The following FAM13B variants were observed in gnomAD, a reference collection of about 807,000 sequenced individuals.
FAM13B encodes protein FAM13B.
Under a neutral mutation model 117.3 loss-of-function variants are expected in FAM13B, and 60 were observed. The observed-to-expected ratio is 0.51, with a 90% CI of 0.42 to 0.63. FAM13B has a LOEUF of 0.63. Ranked by LOEUF, FAM13B falls within the 30% of genes least tolerant of loss-of-function variation. The pLI, the probability that FAM13B is intolerant of heterozygous loss-of-function variation, is 0.00. For synonymous variants in FAM13B, 332 were observed against 356.1 expected, an observed-to-expected ratio of 0.93 and a Z score of 0.76; for missense variants, 972 against 1,091.9, an observed-to-expected ratio of 0.89 and a Z score of 1.55.
At chr5:137,990,941 A>G (rs1778462905) in intron 7 of FAM13B, among the ~76,000 whole-genome samples, 1 of 152,226 alleles carries the variant, frequency 6.6e-6, no homozygotes, top group African/African-American at 2.4e-5. Context: ...CTATTTAGTA[A>G]TGCATTTCAA....
rs1428924365 is a variant in FAM13B, at chr5:137,966,476, TATATATATATATAGAGAG to T, written c.1180-4025_1180-4008del. On this transcript the variant is annotated intron_variant, in intron 10 of 23. Coordinates refer to ENST00000689681, the MANE Select transcript of FAM13B (RefSeq NM_001385994.1). ...AATAGATTTTATATATATATATATATATATATATATATAGAGAGAGAGAGAGAGAGAGAGAGAGAGAGA... is the reference window on the plus strand; with the variant it reads ...AATAGATTTTATATATATATATATATAGAGAGAGAGAGAGAGAGAGAGAGA... Among the ~76,000 whole-genome samples the T allele has an allele frequency of 2.5e-3, 164 of 66,902 alleles. 1 individual carries two copies. Among genetic ancestry groups the T allele is most frequent in the African/African-American group, 8.7e-3 (158 of 18,126 alleles). The allele number at this position is 66,902 out of a possible 152,430, so 43.9% of individuals were successfully genotyped here. A position where few individuals can be genotyped will look rare whatever the true frequency, so the allele number is the denominator to read the frequency against.
intron 11 of FAM13B, among the ~76,000 whole-genome samples, 163 bp from the exon 12 acceptor site, chr5:137,960,377 T>C (rs1767823006): frequency 6.6e-6 from 1 of 152,058 alleles, no homozygotes; most frequent in Non-Finnish European, 1.5e-5. Flanking sequence ...GCCCTATATC[T>C]GAAAAATCAC....
intron 10 of FAM13B, among the ~76,000 whole-genome samples, chr5:137,981,697 A>G (rs183579954): frequency 2.6e-5 from 4 of 152,010 alleles, no homozygotes; most frequent in South Asian, 2.1e-4. Context: ...GAGGCAGGAG[A>G]ATGGCTTGAA....
At chr5:138,003,022 T>G (rs982319192) in intron 7 of FAM13B, among the ~76,000 whole-genome samples, 1 of 152,126 alleles carries the variant, frequency 6.6e-6, no homozygotes, top group African/African-American at 2.4e-5. Flanking sequence ...ATTTTTCATT[T>G]GCTTATCTCT....
chr5:138,034,995 C>CTTTTTTTT (rs557807234), upstream of FAM13B, among the ~76,000 whole-genome samples: 149 of 34,378 alleles, frequency 4.3e-3, 53 homozygotes, highest in South Asian at 7.9e-3. Context: ...ATTCCCTTGC[C>CTTTTTTTT]TTTTTTTTTT....
At chr5:138,025,313 ATTT>A (rs869194123) in intron 1 of FAM13B, among the ~76,000 whole-genome samples, 3 of 111,198 alleles carry the variant, frequency 2.7e-5, no homozygotes, top group African/African-American at 6.7e-5. Flanking sequence ...ATATATATGT[ATTT>A]TTTTTTTTTT....
intron 9 of FAM13B, among the ~76,000 whole-genome samples, chr5:137,986,431 C>CCA (rs1021706862): frequency 1.8e-5 from 1 of 54,230 alleles, no homozygotes; most frequent in African/African-American, 4.6e-5. Context: ...CATCTTCCCC[C>CCA]CCCCAAAAAA....
chr5:137,950,775 C>T (rs532191132), intron 17 of FAM13B, among the ~76,000 whole-genome samples: 1 of 152,196 alleles, frequency 6.6e-6, no homozygotes, highest in African/African-American at 2.4e-5. Context: ...GAGGCCAATG[C>T]TAGACAATTT....
At chr5:137,948,874 C>T in intron 18 of FAM13B, 81 bp downstream of exon 18, 2 of 1,042,078 alleles carry the variant, frequency 1.9e-6, no homozygotes, top group East Asian at 4.7e-5. Context: ...ACTACCTAGA[C>T]ATCTCTACCC....
At chr5:137,976,408 C>T (rs974066113) in intron 10 of FAM13B, among the ~76,000 whole-genome samples, 1 of 152,104 alleles carries the variant, frequency 6.6e-6, no homozygotes. Context: ...TCACTAAATG[C>T]AATAAATTTT....
intron 7 of FAM13B, among the ~76,000 whole-genome samples, chr5:137,996,054 A>G (rs1779777473): frequency 6.6e-6 from 1 of 152,166 alleles, no homozygotes; most frequent in Non-Finnish European, 1.5e-5. Context: ...AAAAGATACT[A>G]CTACAGTCCG....
In FAM13B at chr5:138,010,957, TAAAAAAAA is replaced by T. The variant is rs35163730; in HGVS notation, c.690+43_690+50del. ...CAAGTCTTTAAGAGCATATTATTCTTAAAAAAAAAAAAAAAAAAAAAAATTATCCCTCC... is the reference window on the plus strand; with the variant it reads ...CAAGTCTTTAAGAGCATATTATTCTTAAAAAAAAAAAAAAATTATCCCTCC... On this transcript the variant is annotated intron_variant, in intron 6 of 23. Coordinates refer to ENST00000689681, the MANE Select transcript of FAM13B (RefSeq NM_001385994.1). 1.6e-5 allele frequency: 17 copies of T among 1,079,180 alleles called. No individual in the cohort carries two copies. In the South Asian group the frequency reaches 2.5e-4, roughly 16 times the overall value. 66.9% of individuals were successfully genotyped at this position (1,079,180 alleles called of 1,614,324 possible).
Position 137,943,048 on chromosome 5 carries a change from T to C in FAM13B, c.2425-10A>G. The C allele has an allele frequency of 1.2e-6, 2 of 1,612,646 alleles. No individual in the cohort carries two copies. The highest frequency in any genetic ancestry group is 2.2e-5 in the East Asian group (1 of 44,844). ...CATCTTCTTCTTCCTCCTAAAAAGA[T>C]ATCCAAACAGAGAATCAAACATGCC... On this transcript the variant is annotated splice_polypyrimidine_tract_variant and intron_variant, in intron 21 of 23. Transcript: ENST00000689681.
intron 7 of FAM13B, among the ~76,000 whole-genome samples, chr5:138,004,987 C>T (rs1782187101): frequency 6.6e-6 from 1 of 152,198 alleles, no homozygotes; most frequent in Admixed American, 6.5e-5. Context: ...CCTGCAATCC[C>T]AGCACTCTGG....
chr5:137,996,578 A>G (rs1779919921), intron 7 of FAM13B, among the ~76,000 whole-genome samples: 1 of 151,998 alleles, frequency 6.6e-6, no homozygotes, highest in African/African-American at 2.4e-5. Context: ...ACCCACAAAG[A>G]GAGTTTCAAT....
intron 1 of FAM13B, chr5:138,051,789 C>G (rs1191740553): frequency 6.6e-6 from 1 of 152,144 alleles, no homozygotes; most frequent in Non-Finnish European, 1.5e-5. Context: ...GTCTATTTTA[C>G]TCTAAAACCT....
intron 1 of FAM13B, among the ~76,000 whole-genome samples, chr5:138,027,128 A>ATT (rs1374928289): frequency 6.6e-6 from 1 of 152,108 alleles, no homozygotes; most frequent in East Asian, 1.9e-4. Context: ...AATGACTCAA[A>ATT]AAGATGTGCC....
chr5:137,941,863 C>T, intron 23 of FAM13B, 81 bp downstream of exon 23: 1 of 1,167,766 alleles, frequency 8.6e-7, no homozygotes, highest in South Asian at 1.3e-5. Context: ...TTTCTAATCC[C>T]ACGTATTCCA....
intron 23 of FAM13B, among the ~76,000 whole-genome samples, chr5:137,941,272 T>A (rs2150101872): frequency 6.6e-6 from 1 of 152,204 alleles, no homozygotes; most frequent in Middle Eastern, 3.4e-3. Context: ...GCAAAGGGAA[T>A]TAAAGTACAG....
Sources: allele counts gnomAD v4.1 joint callset (sites outside exome capture counted in the v4.1 genomes callset), GRCh38; gene constraint gnomAD v4.1.1; transcripts MANE v1.5; gene names NCBI Gene and HGNC (gene_info 2026-07-23, HGNC 2026-07-21).